The following EHBP1 variants were observed in gnomAD, a reference collection of about 807,000 sequenced individuals.
EHBP1 encodes the protein EH domain binding protein 1.
EHBP1 carries 55 observed loss-of-function variants against 144.0 expected under a neutral mutation model. The observed-to-expected ratio is 0.38, with a 90% CI of 0.31 to 0.48. The LOEUF (loss-of-function observed/expected upper bound fraction) is 0.48. Among genes scored for constraint, EHBP1 ranks in the 20% least tolerant of loss-of-function variants. The probability of loss-of-function intolerance (pLI) is 0.98; values close to 1 mark genes in which losing one functional copy is unlikely to be tolerated. For missense variants in EHBP1, 1,200 were observed against 1,364.2 expected (o/e 0.88, Z 1.90); for synonymous variants, 469 against 472.7 (o/e 0.99, Z 0.10).
intron 15 of EHBP1, among the ~76,000 whole-genome samples, chr2:62,980,806 C>G (rs994285566): frequency 6.7e-6 from 1 of 149,826 alleles, no homozygotes; most frequent in Non-Finnish European, 1.5e-5. Flanking sequence ...TCACAGGACC[C>G]TATTGCTACC....
intron 2 of EHBP1, among the ~76,000 whole-genome samples, chr2:62,720,480 T>C (rs2036124589): frequency 1.3e-5 from 2 of 152,142 alleles, no homozygotes; most frequent in Non-Finnish European, 1.5e-5. Flanking sequence ...CTTTTATTCT[T>C]CTCTTTCCCT....
At chr2:62,803,270 T>TA (rs35096938) in intron 5 of EHBP1, among the ~76,000 whole-genome samples, 4,278 of 152,174 alleles carry the variant, frequency 0.028, 78 homozygotes, top group Non-Finnish European at 0.043. Flanking sequence ...ACGTGCATGA[T>TA]AGATTCCCAG....
At chr2:62,739,208 TG>T (rs2038446676) in intron 2 of EHBP1, among the ~76,000 whole-genome samples, 1 of 152,244 alleles carries the variant, frequency 6.6e-6, no homozygotes, top group Non-Finnish European at 1.5e-5. Context: ...ACTGTTTTTC[TG>T]CCCTGTTCTC....
chr2:62,951,456 A>G (rs1267167930), intron 13 of EHBP1, among the ~76,000 whole-genome samples: 1 of 147,906 alleles, frequency 6.8e-6, no homozygotes, highest in Non-Finnish European at 1.5e-5. Context: ...ATCAATAAAC[A>G]TCTAGTGATT....
At chr2:62,920,716 G>A (rs566501954) in intron 10 of EHBP1, among the ~76,000 whole-genome samples, 30 of 152,018 alleles carry the variant, frequency 2.0e-4, no homozygotes, top group Admixed American at 7.2e-4. Context: ...GGGGTAGAGT[G>A]CAATGACGTG....
intron 10 of EHBP1, among the ~76,000 whole-genome samples, chr2:62,929,097 T>C (rs1376282754): frequency 6.6e-6 from 1 of 151,930 alleles, no homozygotes; most frequent in African/African-American, 2.4e-5. Flanking sequence ...TAATCAAAAA[T>C]CTCCCAAAAA....
intron 3 of EHBP1, among the ~76,000 whole-genome samples, chr2:62,751,784 A>G (rs1031470979): frequency 6.6e-6 from 1 of 152,132 alleles, no homozygotes; most frequent in African/African-American, 2.4e-5. Flanking sequence ...AGGTGTTTAT[A>G]GTATTCTCTG....
At chr2:63,016,579 C>T (rs1488723599) in intron 19 of EHBP1, among the ~76,000 whole-genome samples, 5 of 151,768 alleles carry the variant, frequency 3.3e-5, no homozygotes, top group Non-Finnish European at 4.4e-5. Flanking sequence ...TACAGGTACC[C>T]ACCACCACGC....
chr2:62,756,905 A>G (rs1001891721), intron 3 of EHBP1, among the ~76,000 whole-genome samples: 12 of 152,180 alleles, frequency 7.9e-5, no homozygotes, highest in Non-Finnish European at 1.3e-4. Flanking sequence ...GCAACTGAAA[A>G]AGAAATCTTG....
intron 10 of EHBP1, among the ~76,000 whole-genome samples, chr2:62,932,169 G>A (rs888222101): frequency 1.9e-4 from 28 of 148,912 alleles, no homozygotes; most frequent in African/African-American, 4.2e-4. Flanking sequence ...AGAGCGAGAC[G>A]GCATCTAAAA....
chr2:62,850,811 G>T (rs1054693892), intron 7 of EHBP1, among the ~76,000 whole-genome samples: 3 of 152,030 alleles, frequency 2.0e-5, no homozygotes, highest in Non-Finnish European at 4.4e-5. Context: ...TTTTCCGATT[G>T]TAAAAGTAAA....
At chr2:62,954,838 A>C (rs912198847) in intron 13 of EHBP1, among the ~76,000 whole-genome samples, 2 of 152,286 alleles carry the variant, frequency 1.3e-5, no homozygotes, top group Middle Eastern at 3.4e-3. Context: ...AATTTGGACT[A>C]TAAGGAGTAT....
chr2:62,952,974 T>G (rs1412863281), intron 13 of EHBP1, among the ~76,000 whole-genome samples: 1 of 152,094 alleles, frequency 6.6e-6, no homozygotes, highest in Non-Finnish European at 1.5e-5. Context: ...ATCCCAGCAC[T>G]TTGGGAGGCC....
At chr2:63,015,906 A>G (rs2060467814) in intron 19 of EHBP1, among the ~76,000 whole-genome samples, 1 of 152,190 alleles carries the variant, frequency 6.6e-6, no homozygotes, top group African/African-American at 2.4e-5. Flanking sequence ...CTACTCATAT[A>G]AAATATAAGA....
chr2:62,809,172 T>A (rs2044746791), intron 5 of EHBP1, among the ~76,000 whole-genome samples: 9 of 151,618 alleles, frequency 5.9e-5, no homozygotes, highest in Admixed American at 5.9e-4. Context: ...GTGCCTGTAA[T>A]CCCAGCTACT....
chr2:62,918,319 T>C (rs2054805907), intron 10 of EHBP1, among the ~76,000 whole-genome samples: 1 of 152,224 alleles, frequency 6.6e-6, no homozygotes, highest in Non-Finnish European at 1.5e-5. Context: ...TACGGGCTGC[T>C]GGTCCAAATG....
intron 14 of EHBP1, among the ~76,000 whole-genome samples, chr2:62,977,656 G>C (rs940280865): frequency 6.6e-6 from 1 of 151,960 alleles, no homozygotes; most frequent in African/African-American, 2.4e-5. Context: ...TGCTTGAAAT[G>C]GTTACAGCAC....
intron 14 of EHBP1, among the ~76,000 whole-genome samples, chr2:62,961,730 C>T (rs1160929114): frequency 6.6e-6 from 1 of 152,142 alleles, no homozygotes; most frequent in East Asian, 1.9e-4. Flanking sequence ...TCCCCATACA[C>T]TTTTCATCCA....
intron 14 of EHBP1, 61 bp from the exon 15 acceptor site, chr2:62,979,127 A>T: frequency 6.5e-7 from 1 of 1,538,514 alleles, no homozygotes; most frequent in South Asian, 1.2e-5. Context: ...TGATGATCAG[A>T]TTGAAAATGA....
Sources: allele counts gnomAD v4.1 joint callset (sites outside exome capture counted in the v4.1 genomes callset), GRCh38; gene constraint gnomAD v4.1.1; transcripts MANE v1.5; gene names NCBI Gene and HGNC (gene_info 2026-07-23, HGNC 2026-07-21).